HHIPL2: variants seen among roughly 807,000 people sequenced by gnomAD.
HHIPL2 encodes the protein HHIP-like protein 2.
In HHIPL2, 61 loss-of-function variants were observed where a neutral mutation model predicts 61.0. The ratio of observed to expected loss-of-function variants is 1.00; its 90% CI spans 0.81 to 1.24. The LOEUF is 1.24. HHIPL2 is among the 50% of genes most tolerant of loss of function. The pLI, the probability that HHIPL2 is intolerant of heterozygous loss-of-function variation, is 0.00. For synonymous variants in HHIPL2, 343 were observed against 357.4 expected, an observed-to-expected ratio of 0.96 and a Z score of 0.45; for missense variants, 885 against 910.2, an observed-to-expected ratio of 0.97 and a Z score of 0.36.
In HHIPL2 at chr1:222,523,593, G is replaced by A. The variant is rs1433294849; in HGVS notation, c.1888+19C>T. 1.2e-6 allele frequency: 2 copies of A among 1,612,146 alleles called. No individual in the cohort carries two copies. The highest frequency in any genetic ancestry group is 1.7e-6 in the Non-Finnish European group (2 of 1,178,214). ...CCTCCACACCAAGGCCTGAGCCTAA[G>A]ACTCAAAGATGGACTCACTGGCGAG... On this transcript the variant is annotated intron_variant, in intron 8 of 8. Transcript: ENST00000343410.
intron 7 of HHIPL2, 150 bp downstream of exon 7, chr1:222,526,819 G>T: frequency 1.7e-6 from 1 of 571,824 alleles, no homozygotes; most frequent in Non-Finnish European, 3.2e-6. Context: ...AATTGCTATA[G>T]ATGCATTGTC....
chr1:222,543,868 C>G lies in HHIPL2; in HGVS notation c.643G>C (p.Gly215Arg), dbSNP rs868813890. Residue 215 changes from glycine to arginine, a missense_variant, in exon 2 of 9, where the codon GGG (glycine) becomes CGG (arginine). Physicochemically the swap from Gly to Arg is moderately radical, Grantham distance 125. Transcript: ENST00000343410. ...ACCATGGAGACGGGGTTCCTCAGCC[C>G]GTTGGCCACCTCGCTCAGGCAGAGC... ...LQLCLSEVAN[G>R]LRNPVSMVHA... The G allele has an allele frequency of 6.2e-7, 1 of 1,614,028 alleles. No homozygotes were observed. The highest frequency in any genetic ancestry group is 1.3e-5 in the African/African-American group (1 of 74,910).
intron 1 of HHIPL2, 42 bp downstream of exon 1, chr1:222,547,682 C>A: frequency 6.4e-7 from 1 of 1,559,398 alleles, no homozygotes; most frequent in Middle Eastern, 1.7e-4. Context: ...ACCATGCAGC[C>A]CAGCACCCAA....
Position 222,532,085 on chromosome 1 carries a change from C to T in HHIPL2, c.1604G>A (p.Arg535Lys). 1 of 1,613,712 alleles carries T rather than the reference C, an allele frequency of 6.2e-7. No individual in the cohort carries two copies. Among genetic ancestry groups the T allele is most frequent in the Non-Finnish European group, 8.5e-7 (1 of 1,179,738 alleles). ...CTGCTTCTTCCATTTCTTGTTTTTT[C>T]TATCTTCCTGCAAAGCCATAAGTCG... ...SGRLMALQED[R>K]KNKKWKKQDL... Residue 535 changes from arginine to lysine, a missense_variant, in exon 6 of 9, where the codon AGA becomes AAA. Transcript: ENST00000343410.
intron 6 of HHIPL2, among the ~76,000 whole-genome samples, chr1:222,530,022 G>GA (rs1239866645): frequency 4.0e-5 from 6 of 151,418 alleles, no homozygotes; most frequent in South Asian, 2.1e-4. Context: ...AGCAACTCTG[G>GA]AAAAAAAAAT....
intron 7 of HHIPL2, among the ~76,000 whole-genome samples, chr1:222,525,541 C>G (rs117847463): frequency 7.9e-5 from 12 of 152,178 alleles, no homozygotes; most frequent in Admixed American, 3.3e-4. Flanking sequence ...GCTGGCCCCC[C>G]CAAGCCCTAA....
intron 5 of HHIPL2, 142 bp from the exon 6 acceptor site, chr1:222,532,253 C>G: frequency 1.6e-6 from 1 of 637,266 alleles, no homozygotes; most frequent in South Asian, 3.1e-5. Context: ...TCCAAGCAAC[C>G]AAAAAGCTTC....
At chr1:222,540,668 T>C (rs928087821) in intron 3 of HHIPL2, among the ~76,000 whole-genome samples, 5 of 152,236 alleles carry the variant, frequency 3.3e-5, no homozygotes, top group African/African-American at 1.2e-4. Context: ...GCACAGCTTC[T>C]CTCTGATTTG....
In HHIPL2 at chr1:222,522,366, A is replaced by G. The variant is rs1658970009; in HGVS notation, c.*235T>C. On this transcript the variant is annotated 3_prime_UTR_variant, in exon 9 of 9. Coordinates refer to ENST00000343410, the MANE Select transcript of HHIPL2 (RefSeq NM_024746.4). ...GCAGGCTCATGGACTAGTGCTTACC[A>G]TAACCCAGGTGCACCAGCAATCTGG... 8.8e-6 allele frequency: 5 copies of G among 570,570 alleles called. No individual in the cohort carries two copies. The highest frequency in any genetic ancestry group is 4.7e-4 in the Middle Eastern group (1 of 2,138). The allele number at this position is 570,570 out of a possible 1,614,324, so 35.3% of individuals were successfully genotyped here.
chr1:222,523,730 C>T lies in HHIPL2; in HGVS notation c.1806-36G>A, dbSNP rs752481915. 4.4e-6 allele frequency: 7 copies of T among 1,602,412 alleles called. No homozygotes were observed. In the Admixed American group the frequency reaches 1.0e-4, roughly 23 times the overall value. ...AAACAGAAAGCATGAGGACGCAAGA[C>T]TCTGAAGATGCAACCGGAAAATCAA... On this transcript the variant is annotated intron_variant, in intron 7 of 8. Coordinates refer to ENST00000343410, the MANE Select transcript of HHIPL2 (RefSeq NM_024746.4).
rs1483230628 is a variant in HHIPL2, at chr1:222,543,858, T to C, written c.653A>G (p.Asn218Ser). Residue 218 changes from asparagine to serine, a missense_variant, in exon 2 of 9, where the codon AAC becomes AGC. Transcript: ENST00000343410. ...CLSEVANGLR[N>S]PVSMVHAGDG... is the part of the protein sequence containing the mutation. ...CCCAGCATGGACCATGGAGACGGGG[T>C]TCCTCAGCCCGTTGGCCACCTCGCT... 5.0e-6 allele frequency: 8 copies of C among 1,613,918 alleles called. No individual in the cohort carries two copies. The highest frequency in any genetic ancestry group is 5.9e-6 in the Non-Finnish European group (7 of 1,179,976).
chr1:222,539,266 T>C (rs987305426), intron 4 of HHIPL2, among the ~76,000 whole-genome samples: 2 of 152,144 alleles, frequency 1.3e-5, no homozygotes, highest in South Asian at 2.1e-4. Flanking sequence ...GCACGGTGAC[T>C]CACACCTGTA....
At chr1:222,541,146 T>C (rs1290255072) in intron 3 of HHIPL2, among the ~76,000 whole-genome samples, 1 of 152,238 alleles carries the variant, frequency 6.6e-6, no homozygotes, top group African/African-American at 2.4e-5. Context: ...TGAGTTACTG[T>C]GTATATAGCG....
intron 6 of HHIPL2, among the ~76,000 whole-genome samples, chr1:222,531,463 T>C (rs1659188485): frequency 6.6e-6 from 1 of 152,200 alleles, no homozygotes; most frequent in African/African-American, 2.4e-5. Flanking sequence ...AATTACATCA[T>C]GGAGCCGGGC....
intron 2 of HHIPL2, among the ~76,000 whole-genome samples, chr1:222,542,619 C>T (rs553194067): frequency 6.0e-5 from 9 of 148,870 alleles, no homozygotes; most frequent in African/African-American, 2.2e-4. Context: ...CAACTTCTGC[C>T]TCCCAGGTTC....
In HHIPL2 at chr1:222,547,882, G is replaced by C. The variant is rs374386309; in HGVS notation, c.163C>G (p.Pro55Ala). The C allele has an allele frequency of 1.2e-6, 2 of 1,613,986 alleles. No individual in the cohort carries two copies. Among genetic ancestry groups the C allele is most frequent in the African/African-American group, 1.3e-5 (1 of 74,912 alleles). ...CLDYGPPFQPPLHLEFCSDYE... is the reference protein window; with the variant it reads ...CLDYGPPFQPALHLEFCSDYE... Reference sequence around the variant, plus strand: ...TCAGAGCAAAACTCAAGGTGCAGAGGGGGCTGGAAAGGGGGCCCGTAATCC... The same window carrying C: ...TCAGAGCAAAACTCAAGGTGCAGAGCGGGCTGGAAAGGGGGCCCGTAATCC... The change falls in exon 1 of 9, where the codon CCT becomes GCT. Residue 55 changes from proline (P) to alanine (A), a missense_variant. Physicochemically the swap from Pro to Ala is conservative, Grantham distance 27 (BLOSUM62 -1). Coordinates refer to ENST00000343410, the MANE Select transcript of HHIPL2 (RefSeq NM_024746.4).
In HHIPL2 at chr1:222,542,141, A is replaced by G. The variant is rs1161562698; in HGVS notation, c.989T>C (p.Ile330Thr). 7 of 1,613,764 alleles carry G rather than the reference A, an allele frequency of 4.3e-6. No homozygotes were observed. The highest frequency in any genetic ancestry group is 1.7e-5 in the Admixed American group (1 of 59,926). Residue 330 changes from isoleucine to threonine, a missense_variant, in exon 3 of 9, where the codon ATT (isoleucine) becomes ACT (threonine). By Grantham distance (89) the Ile-to-Thr change is moderately conservative (BLOSUM62 -1). Coordinates refer to ENST00000343410, the MANE Select transcript of HHIPL2 (RefSeq NM_024746.4). ...DLKSERVILE[I>T]EEPASNHNGG... ...ATTATGGTTTGAGGCTGGTTCTTCA[A>G]TCTCCAAGATGACCCTGGAAGAGAA... is the stretch of plus-strand genomic sequence containing the variant.
intron 6 of HHIPL2, among the ~76,000 whole-genome samples, chr1:222,527,401 GA>G (rs1356810602): frequency 1.3e-5 from 2 of 152,080 alleles, no homozygotes; most frequent in African/African-American, 4.8e-5. Context: ...TTTCCTCTGT[GA>G]ACACTTGGAT....
intron 4 of HHIPL2, among the ~76,000 whole-genome samples, chr1:222,539,622 G>A (rs1659383968): frequency 6.6e-6 from 1 of 151,698 alleles, no homozygotes; most frequent in African/African-American, 2.4e-5. Context: ...TCATTTCAGT[G>A]GCCTGTCCCA....
Sources: allele counts gnomAD v4.1 joint callset (sites outside exome capture counted in the v4.1 genomes callset), GRCh38; gene constraint gnomAD v4.1.1; transcripts MANE v1.5; gene names NCBI Gene and HGNC (gene_info 2026-07-23, HGNC 2026-07-21).